Variants in PCDHGA3 observed in about 807,000 individuals in gnomAD.
PCDHGA3 encodes the protein protocadherin gamma-A3.
Under a neutral mutation model 58.5 loss-of-function variants are expected in PCDHGA3, and 40 were observed. The observed-to-expected ratio is 0.68, with a 90% confidence interval of 0.53 to 0.89. The LOEUF (loss-of-function observed/expected upper bound fraction) is 0.89, where lower values mean the gene tolerates loss of function less well. Ranked by LOEUF, PCDHGA3 falls within the 40% of genes least tolerant of loss-of-function variation. The pLI, the probability that PCDHGA3 is intolerant of heterozygous loss-of-function variation, is 0.00. For missense variants in PCDHGA3, 1,223 were observed against 1,195.9 expected, an observed-to-expected ratio of 1.02 and a Z score of -0.33; for synonymous variants, 530 against 525.7, an observed-to-expected ratio of 1.01 and a Z score of -0.11.
rs751318430 is a variant in PCDHGA3 at position 141,485,603 on chromosome 5, G to A, written c.2425-9204G>A. 1 of 1,612,482 alleles carries A rather than the reference G, an allele frequency of 6.2e-7. No homozygotes were observed. The stretch of plus-strand genomic sequence containing the variant: ...GCAGCAGCTGGACTTGGAAATTGGG[G>A]AGGCAGCTCCTCCAGGACAGCGTTT... On this transcript the variant is annotated intron_variant, in intron 1 of 3. Coordinates refer to ENST00000253812, the MANE Select transcript of PCDHGA3 (RefSeq NM_018916.4). This position sits in a 1 kb window ranked among gnomAD's most constrained non-coding sequence, Gnocchi z 5.7.
rs1757485669 is a variant in PCDHGA3, at chr5:141,344,872, T to C, written c.839T>C (p.Ile280Thr). Reference sequence around the variant, plus strand: ...GGATTCAATGCTCAAGTGTCTTATATTCTAGATAAAATGCCTGGGAAAATC... The same window carrying C: ...GGATTCAATGCTCAAGTGTCTTATACTCTAGATAAAATGCCTGGGAAAATC... ...DEGFNAQVSY[I>T]LDKMPGKIAE... Residue 280 changes from isoleucine (I) to threonine (T), a missense_variant, in exon 1 of 4, where the codon ATT (isoleucine) becomes ACT (threonine). By Grantham distance (89) the Ile-to-Thr change is moderately conservative. Transcript: ENST00000253812. 6.2e-7 allele frequency: 1 copy of C among 1,613,958 alleles called. No individual in the cohort carries two copies. Among genetic ancestry groups the C allele is most frequent in the East Asian group, 2.2e-5 (1 of 44,888 alleles).
intron 1 of PCDHGA3, chr5:141,399,810 C>T (rs148150333): frequency 3.9e-5 from 63 of 1,613,194 alleles, no homozygotes; most frequent in Non-Finnish European, 4.9e-5. Flanking sequence ...TGCTGTACCC[C>T]GCGCTGGGTC....
chr5:141,400,163 A>G, intron 1 of PCDHGA3: 1 of 1,613,830 alleles, frequency 6.2e-7, no homozygotes, highest in Non-Finnish European at 8.5e-7. Flanking sequence ...GTACCCTCTG[A>G]CCCCCAGGCT....
chr5:141,388,698 G>T (rs752631718), intron 1 of PCDHGA3: 2 of 1,613,886 alleles, frequency 1.2e-6, no homozygotes, highest in Admixed American at 1.7e-5. Context: ...CCAGGATGAG[G>T]GTGTCAATGC....
intron 1 of PCDHGA3, chr5:141,374,629 G>T (rs1404855518): frequency 6.2e-7 from 1 of 1,613,096 alleles, no homozygotes; most frequent in Non-Finnish European, 8.5e-7. Flanking sequence ...CAGTGGACGT[G>T]CAAAGCGAAG....
intron 1 of PCDHGA3, chr5:141,370,468 T>C: frequency 6.2e-7 from 1 of 1,613,240 alleles, no homozygotes. Context: ...CTCTCTTTGT[T>C]AGACCAGGCT....
chr5:141,409,927 C>T, intron 1 of PCDHGA3: 5 of 1,613,342 alleles, frequency 3.1e-6, no homozygotes, highest in Middle Eastern at 1.6e-4. Flanking sequence ...CCGCGTTCTT[C>T]GATATGGTAC....
rs2099883798 is a variant in PCDHGA3, at chr5:141,511,451, AT to A, written c.*281del. On this transcript the variant is annotated 3_prime_UTR_variant, in exon 4 of 4. Transcript: ENST00000253812. ...GGGGTTACTGTAGACACCAAGAACC[AT>A]TTGCCACACCCCGTTTAGTTACAGC... The A allele has an allele frequency of 3.3e-6, 2 of 606,372 alleles. No individual in the cohort carries two copies. Among genetic ancestry groups the A allele is most frequent in the African/African-American group, 1.9e-5 (1 of 53,734 alleles). 37.6% of individuals were successfully genotyped at this position (606,372 alleles called of 1,614,324 possible).
intron 1 of PCDHGA3, chr5:141,392,833 GC>G (rs922844407): frequency 1.2e-6 from 2 of 1,604,258 alleles, no homozygotes; most frequent in Non-Finnish European, 1.7e-6. Context: ...CCACAGAGTC[GC>G]CCCAGACGCG....
Position 141,432,436 on chromosome 5 carries a change from G to A in PCDHGA3, c.2425-62371G>A, listed in dbSNP as rs753833603. On this transcript the variant is annotated intron_variant, in intron 1 of 3. Coordinates refer to ENST00000253812, the MANE Select transcript of PCDHGA3 (RefSeq NM_018916.4). The surrounding 1 kb of genome is among the most constrained non-coding windows in gnomAD (Gnocchi z 6.0). ...TCGTGCTGGACCAGAACGACAATGC[G>A]CCCGAGATCCTGTACCCCGCCCTCC... The A allele has an allele frequency of 4.3e-6, 7 of 1,614,196 alleles. No homozygotes were observed. The highest frequency in any genetic ancestry group is 1.1e-5 in the South Asian group (1 of 91,084).
chr5:141,352,089 C>T (rs1758913070), intron 1 of PCDHGA3: 1 of 1,605,188 alleles, frequency 6.2e-7, no homozygotes, highest in Non-Finnish European at 8.5e-7. Flanking sequence ...GCCAGCGAGC[C>T]CGGGCTCTTC....
intron 1 of PCDHGA3, chr5:141,442,062 G>A (rs1001398926): frequency 7.0e-5 from 13 of 185,900 alleles, no homozygotes; most frequent in Admixed American, 1.3e-4. Context: ...GGTGCACTGC[G>A]GTGGACAGCC....
At chr5:141,409,435 C>T in intron 1 of PCDHGA3, 2 of 1,613,994 alleles carry the variant, frequency 1.2e-6, no homozygotes, top group Non-Finnish European at 1.7e-6. Context: ...GAGCCCTGGA[C>T]CGAGAGCAGA....
intron 1 of PCDHGA3, among the ~76,000 whole-genome samples, chr5:141,494,070 C>T (rs933213518): frequency 3.9e-5 from 6 of 152,174 alleles, no homozygotes; most frequent in African/African-American, 1.4e-4. Context: ...AGCTGGATCC[C>T]TCCCCGCTGC....
intron 1 of PCDHGA3, chr5:141,356,287 G>A (rs1760178048): frequency 6.4e-7 from 1 of 1,556,188 alleles, no homozygotes; most frequent in African/African-American, 1.4e-5. Context: ...TTCTTCCCCG[G>A]GTACAGTAAT....
rs1228676619 is a variant in PCDHGA3, at chr5:141,388,743, A to T, written c.2424+42286A>T. 3 of 1,614,034 alleles carry T rather than the reference A, an allele frequency of 1.9e-6. No homozygotes were observed. The Admixed American group carries it at 5.0e-5, about 27-fold the overall frequency. On this transcript the variant is annotated intron_variant, in intron 1 of 3. Coordinates refer to ENST00000253812, the MANE Select transcript of PCDHGA3 (RefSeq NM_018916.4). ...TTTCTCTTTCAGTGAAGCTAGCCAG[A>T]TCACCCAATTTGACCTGAACTCTAA...
In PCDHGA3 at chr5:141,346,312, C is replaced by T; in HGVS notation, c.2279C>T (p.Thr760Ile). 6.2e-7 allele frequency: 1 copy of T among 1,614,242 alleles called. No individual in the cohort carries two copies. Among genetic ancestry groups the T allele is most frequent in the Admixed American group, 1.7e-5 (1 of 60,032 alleles). The change falls in exon 1 of 4, where the codon ACT becomes ATT. Residue 760 changes from threonine (T) to isoleucine (I), a missense_variant. Physicochemically the swap from Thr to Ile is moderately conservative, Grantham distance 89. Transcript: ENST00000253812. ...LQTYSHEVSL[T>I]ADSRKSHLIF... ...ACCTATTCCCACGAGGTCTCCCTCA[C>T]TGCGGACTCGCGGAAGAGCCACCTG... is the stretch of plus-strand genomic sequence containing the variant.
chr5:141,475,106 G>T (rs1182368610), intron 1 of PCDHGA3, among the ~76,000 whole-genome samples: 6 of 152,220 alleles, frequency 3.9e-5, no homozygotes, highest in Admixed American at 2.0e-4. Context: ...ATCCTAGGTG[G>T]TAAATAGGCC....
rs1458644316 is a variant in PCDHGA3 at position 141,372,571 on chromosome 5, A to G, written c.2424+26114A>G. 1.9e-6 allele frequency: 3 copies of G among 1,613,904 alleles called. No individual in the cohort carries two copies. In the Admixed American group the frequency reaches 5.0e-5, roughly 27 times the overall value. ...TCCTCCAGACCCGCCACTGAGGGCT[A>G]CTTTCAGCCTGGTGTCTGCTTCAAG... On this transcript the variant is annotated intron_variant, in intron 1 of 3. Transcript: ENST00000253812.
Sources: allele counts gnomAD v4.1 joint callset (sites outside exome capture counted in the v4.1 genomes callset), GRCh38; gene constraint gnomAD v4.1.1; non-coding constraint Gnocchi (gnomAD v3.1); transcripts MANE v1.5; gene names NCBI Gene and HGNC (gene_info 2026-07-23, HGNC 2026-07-21).